The following DPF2 variants were observed in gnomAD, a reference collection of about 807,000 sequenced individuals.
DPF2 encodes the protein double PHD fingers 2.
A neutral mutation model predicts 59.6 loss-of-function variants in DPF2; 10 were observed. The ratio of observed to expected loss-of-function variants is 0.17; its 90% CI spans 0.10 to 0.28. The LOEUF (loss-of-function observed/expected upper bound fraction) is 0.28. DPF2 is among the 10% of genes least tolerant of loss of function. The probability of loss-of-function intolerance (pLI) is 1.00; values close to 1 mark genes in which losing one functional copy is unlikely to be tolerated. For synonymous variants in DPF2, 189 were observed against 190.6 expected (o/e 0.99, Z 0.07); for missense variants, 315 against 509.4 (o/e 0.62, Z 3.67).
chr11:65,339,705 C>T (rs1590931548), intron 1 of DPF2, among the ~76,000 whole-genome samples: 1 of 152,168 alleles, frequency 6.6e-6, no homozygotes, highest in African/African-American at 2.4e-5. Flanking sequence ...CCCCGCTGAC[C>T]TGCAGTTTCT....
rs769153526 is a variant in DPF2, at chr11:65,341,106, C to T, written c.301+33C>T. The T allele has an allele frequency of 2.5e-6, 4 of 1,592,586 alleles. No homozygotes were observed. In the South Asian group the frequency reaches 3.3e-5, roughly 13 times the overall value. ...ACATACTTCCTGAGCAGAGGCGTGG[C>T]CTGCTGCATGGTGAGAGCCTGCTAA... On this transcript the variant is annotated intron_variant, in intron 3 of 10. Transcript: ENST00000528416.
chr11:65,345,652 T>G lies in DPF2; in HGVS notation c.638-14T>G. On this transcript the variant is annotated splice_polypyrimidine_tract_variant and intron_variant, in intron 6 of 10. Transcript: ENST00000528416. Reference sequence around the variant, plus strand: ...TATCCTAACACCTTTCTCTGCAATCTTCTTCCCACTCAGTTTGTGGAAAAC... The same window carrying G: ...TATCCTAACACCTTTCTCTGCAATCGTCTTCCCACTCAGTTTGTGGAAAAC... 1 of 1,614,004 alleles carries G rather than the reference T, an allele frequency of 6.2e-7. No homozygotes were observed.
At chr11:65,342,332 C>A (rs1854398407) in intron 4 of DPF2, among the ~76,000 whole-genome samples, 1 of 152,040 alleles carries the variant, frequency 6.6e-6, no homozygotes, top group Admixed American at 6.6e-5. Context: ...CGCCTGCAGT[C>A]CCAGCTACTC....
At chr11:65,351,565 A>G (rs1480771629) in intron 10 of DPF2, 118 bp from the exon 11 acceptor site, 1 of 812,138 alleles carries the variant, frequency 1.2e-6, no homozygotes, top group East Asian at 2.5e-5. Context: ...GCTGCAGAGC[A>G]TCCCTCGTCC....
rs201023047 is a variant in DPF2 at position 65,341,391 on chromosome 11, G to A, written c.302-8G>A. The A allele has an allele frequency of 1.1e-3, 1,779 of 1,614,124 alleles. 2 individuals carry two copies. Among genetic ancestry groups the A allele is most frequent in the Non-Finnish European group, 1.3e-3 (1,568 of 1,180,016 alleles). On this transcript the variant is annotated splice_polypyrimidine_tract_variant and splice_region_variant and intron_variant, in intron 3 of 10. Transcript: ENST00000528416. The stretch of plus-strand genomic sequence containing the variant: ...TTGAGCCTTGCTTTATCCTGACCTT[G>A]CTTGCAGACACAGACCAGACCCTGA...
In DPF2 at chr11:65,344,087, G is replaced by C; in HGVS notation, c.637+18G>C. 1 of 1,613,700 alleles carries C rather than the reference G, an allele frequency of 6.2e-7. No individual in the cohort carries two copies. Among genetic ancestry groups the C allele is most frequent in the South Asian group, 1.1e-5 (1 of 90,998 alleles). ...CTGTGACAGTGAGTGCCTCACAAGTGGGTGGGTAGACCTTGCCTTGGACCC... is the reference window on the plus strand; with the variant it reads ...CTGTGACAGTGAGTGCCTCACAAGTCGGTGGGTAGACCTTGCCTTGGACCC... On this transcript the variant is annotated intron_variant, in intron 6 of 10. Transcript: ENST00000528416.
In DPF2 at chr11:65,343,991, G is replaced by A; in HGVS notation, c.559G>A (p.Gly187Ser). The A allele has an allele frequency of 2.5e-6, 4 of 1,614,192 alleles. No homozygotes were observed. Among genetic ancestry groups the A allele is most frequent in the Non-Finnish European group, 3.4e-6 (4 of 1,180,026 alleles). ...GGTGTCTCTTTGCTCTTCTTGGCAG[G>A]GTAAGGGTGTGGGCAGTGCCCGTAA... is the stretch of plus-strand genomic sequence containing the variant. ...PKRRGKGKSK[G>S]KGVGSARKKL... The change falls in exon 6 of 11, where the codon GGT becomes AGT. Residue 187 changes from glycine to serine, a missense_variant and splice_region_variant. Around this residue, in one of 4 missense-constraint regions of DPF2, gnomAD observed 228 missense variants for 275.3 expected, o/e 0.83. Transcript: ENST00000528416.
At chr11:65,343,299 CAAAAAAA>C (rs529933254) in intron 4 of DPF2, among the ~76,000 whole-genome samples, 16 of 58,024 alleles carry the variant, frequency 2.8e-4, no homozygotes, top group African/African-American at 1.1e-3. Flanking sequence ...AACTCTGTCT[CAAAAAAA>C]AAAAAAAAAA....
intron 1 of DPF2, among the ~76,000 whole-genome samples, chr11:65,336,104 C>T (rs1212797443): frequency 6.6e-6 from 1 of 152,088 alleles, no homozygotes; most frequent in African/African-American, 2.4e-5. Flanking sequence ...TGAGCCACCA[C>T]GCCCGGCCCC....
At chr11:65,337,853 G>A (rs1239438800) in intron 1 of DPF2, among the ~76,000 whole-genome samples, 1 of 151,986 alleles carries the variant, frequency 6.6e-6, no homozygotes. Flanking sequence ...TGCCCAGGCT[G>A]GAGTGCAATG....
chr11:65,346,676 A>G, intron 9 of DPF2: 1 of 240,038 alleles, frequency 4.2e-6, no homozygotes, highest in Non-Finnish European at 8.1e-6. Context: ...GCCATGAAAA[A>G]AACGAAATCA....
intron 6 of DPF2, 174 bp downstream of exon 6, chr11:65,344,243 A>G (rs370965145): frequency 2.5e-5 from 17 of 674,730 alleles, no homozygotes; most frequent in African/African-American, 2.3e-4. Flanking sequence ...TCCCTGCTAT[A>G]TGACGGGTGG....
intron 10 of DPF2, 49 bp from the exon 11 acceptor site, chr11:65,351,634 G>A (rs1383731134): frequency 1.3e-6 from 2 of 1,531,972 alleles, no homozygotes; most frequent in Non-Finnish European, 1.8e-6. Context: ...ATTGCAAGCA[G>A]GTGGGGATTG....
chr11:65,334,304 C>T (rs1950067330), intron 1 of DPF2, among the ~76,000 whole-genome samples: 1 of 151,964 alleles, frequency 6.6e-6, no homozygotes, highest in Admixed American at 6.5e-5. Flanking sequence ...TGGCCCGCCG[C>T]CCACCCCGCC....
At chr11:65,350,374 C>CT (rs529951680) in intron 10 of DPF2, among the ~76,000 whole-genome samples, 7,878 of 128,728 alleles carry the variant, frequency 0.061, 459 homozygotes, top group African/African-American at 0.13. Context: ...TTCTTTCTTT[C>CT]TTTTTTTTTT....
At chr11:65,349,420 C>A (rs1854628055) in intron 10 of DPF2, among the ~76,000 whole-genome samples, 1 of 152,180 alleles carries the variant, frequency 6.6e-6, no homozygotes, top group African/African-American at 2.4e-5. Flanking sequence ...TTCACTGAAA[C>A]CAGTGGTGGC....
chr11:65,348,726 C>A, intron 9 of DPF2, 124 bp from the exon 10 acceptor site: 1 of 843,914 alleles, frequency 1.2e-6, no homozygotes. Flanking sequence ...CATGGTTTCC[C>A]ACATAAGATT....
chr11:65,351,585 C>G (rs1854698686), intron 10 of DPF2, 98 bp from the exon 11 acceptor site: 1 of 1,038,100 alleles, frequency 9.6e-7, no homozygotes, highest in Non-Finnish European at 1.5e-6. Context: ...CTACCTGTAG[C>G]TGATCCTGCT....
In DPF2 at chr11:65,351,672, C is replaced by T. The variant is rs772541919; in HGVS notation, c.1100-11C>T. On this transcript the variant is annotated splice_polypyrimidine_tract_variant and intron_variant, in intron 10 of 10. Coordinates refer to ENST00000528416, the MANE Select transcript of DPF2 (RefSeq NM_006268.5). The stretch of plus-strand genomic sequence containing the variant: ...TGGGACCCATCCTGACCCCATTTTG[C>T]CTCTCTGCAGGAAGTTGGAGCTGCC... 6.2e-7 allele frequency: 1 copy of T among 1,614,016 alleles called. No individual in the cohort carries two copies.
Sources: allele counts gnomAD v4.1 joint callset (sites outside exome capture counted in the v4.1 genomes callset), GRCh38; gene constraint gnomAD v4.1.1; regional missense constraint gnomAD v4.1.1; transcripts MANE v1.5; gene names NCBI Gene and HGNC (gene_info 2026-07-23, HGNC 2026-07-21).